The following NTM variants were observed in gnomAD, a reference collection of about 807,000 sequenced individuals.
NTM encodes neurotrimin.
In NTM, 13 loss-of-function variants were observed where a neutral mutation model predicts 42.1. The observed-to-expected ratio is 0.31, with a 90% confidence interval of 0.20 to 0.49. NTM has a LOEUF of 0.49. Among genes scored for constraint, NTM ranks in the 20% least tolerant of loss-of-function variants. The pLI is 0.99. For synonymous variants in NTM, 187 were observed against 179.2 expected, an observed-to-expected ratio of 1.04 and a Z score of -0.35; for missense variants, 373 against 452.8, an observed-to-expected ratio of 0.82 and a Z score of 1.60.
chr11:131,980,003 T>G (rs1387657010), intron 2 of NTM, among the ~76,000 whole-genome samples: 1 of 152,150 alleles, frequency 6.6e-6, no homozygotes, highest in Non-Finnish European at 1.5e-5. Flanking sequence ...GTAAACTGAG[T>G]CAGGTTCCAA....
chr11:131,795,012 G>T (rs139624547), intron 1 of NTM: 5 of 985,018 alleles, frequency 5.1e-6, no homozygotes, highest in Middle Eastern at 5.2e-4. Context: ...GTACTCAGCC[G>T]TGCTCCTTCC....
chr11:132,147,214 T>TGTGTGTGAGA (rs1337361068), intron 3 of NTM, among the ~76,000 whole-genome samples: 3 of 122,826 alleles, frequency 2.4e-5, no homozygotes, highest in African/African-American at 6.7e-5. Flanking sequence ...TGTGTGTGTG[T>TGTGTGTGAGA]GAGAGAGAGA....
chr11:132,107,015 T>TA (rs1247792957), intron 2 of NTM, among the ~76,000 whole-genome samples: 26 of 151,866 alleles, frequency 1.7e-4, no homozygotes, highest in Admixed American at 2.0e-4. Context: ...TCTTTTTGTT[T>TA]AAAAAAAAAT....
chr11:131,827,021 C>A (rs1399477859), intron 1 of NTM, among the ~76,000 whole-genome samples: 6 of 152,064 alleles, frequency 3.9e-5, no homozygotes. Context: ...TTCATTTATT[C>A]ATGCATGTAT....
intron 1 of NTM, among the ~76,000 whole-genome samples, chr11:131,597,401 C>T (rs929142976): frequency 9.2e-5 from 14 of 152,146 alleles, no homozygotes; most frequent in African/African-American, 3.1e-4. Flanking sequence ...ACCACTTTGG[C>T]GGGGAAGCAC....
chr11:132,065,249 T>C (rs1022492517), intron 2 of NTM, among the ~76,000 whole-genome samples: 2 of 150,740 alleles, frequency 1.3e-5, no homozygotes, highest in Non-Finnish European at 3.0e-5. Context: ...TTCTGGAACA[T>C]CCGTGCATAA....
intron 1 of NTM, among the ~76,000 whole-genome samples, chr11:131,565,041 C>A (rs2056719582): frequency 6.6e-6 from 1 of 152,254 alleles, no homozygotes; most frequent in Non-Finnish European, 1.5e-5. Context: ...TGGTCCTTCT[C>A]ACATCGCAGA....
In NTM at chr11:132,033,149, G is replaced by A. The variant is rs201107662; in HGVS notation, c.168-113133G>A. ...CACTATACACAGATAATGAGAGCACGCTCATGGCTGCGGGCAAGTAGCACT... is the reference window on the plus strand; with the variant it reads ...CACTATACACAGATAATGAGAGCACACTCATGGCTGCGGGCAAGTAGCACT... On this transcript the variant is annotated intron_variant, in intron 2 of 8. Transcript: ENST00000683400. Among the ~76,000 whole-genome samples the A allele has an allele frequency of 2.6e-5, 4 of 152,290 alleles. No individual in the cohort carries two copies. In the East Asian group the frequency reaches 7.7e-4, roughly 29 times the overall value.
At chr11:131,487,042 A>G (rs1450749702) in intron 1 of NTM, among the ~76,000 whole-genome samples, 1 of 152,026 alleles carries the variant, frequency 6.6e-6, no homozygotes, top group Non-Finnish European at 1.5e-5. Flanking sequence ...TTGCTCACCA[A>G]TTTGAAACCC....
At chr11:131,671,068 A>T (rs1180665770) in intron 1 of NTM, among the ~76,000 whole-genome samples, 1 of 151,766 alleles carries the variant, frequency 6.6e-6, no homozygotes, top group Non-Finnish European at 1.5e-5. Context: ...TGCCCCCATC[A>T]TCTTTCTTCT....
At chr11:131,592,106 T>C (rs1203760102) in intron 1 of NTM, among the ~76,000 whole-genome samples, 1 of 152,206 alleles carries the variant, frequency 6.6e-6, no homozygotes, top group Non-Finnish European at 1.5e-5. Context: ...ACTATTTTTA[T>C]TGGGCATCCA....
intron 1 of NTM, among the ~76,000 whole-genome samples, chr11:131,786,299 G>T (rs190302472): frequency 6.6e-6 from 1 of 152,136 alleles, no homozygotes; most frequent in Non-Finnish European, 1.5e-5. Flanking sequence ...GATGTGTTTT[G>T]CCAAGATGAC....
intron 1 of NTM, among the ~76,000 whole-genome samples, chr11:131,854,237 G>A (rs899601819): frequency 3.3e-5 from 5 of 152,164 alleles, no homozygotes; most frequent in African/African-American, 9.7e-5. Context: ...CATGGTAATC[G>A]TGGTCAGATA....
chr11:131,516,321 A>G, intron 1 of NTM, among the ~76,000 whole-genome samples: 1 of 152,222 alleles, frequency 6.6e-6, no homozygotes, highest in East Asian at 1.9e-4. Context: ...AGGGCTTCTG[A>G]ATTCAGTCTT....
chr11:131,745,634 C>G lies in NTM; in HGVS notation c.83-165930C>G, dbSNP rs77922416. On this transcript the variant is annotated intron_variant, in intron 1 of 8. Coordinates refer to ENST00000683400, the MANE Select transcript of NTM (RefSeq NM_001352005.2). ...GACTCATCACTTCCTGAGTTGCTCT[C>G]GTGGCCTTAGCCAAGTCACTTCATC... 2.5e-3 allele frequency among the ~76,000 whole-genome samples: 373 copies of G among 152,176 alleles called. 2 individuals carry two copies. The highest frequency in any genetic ancestry group is 7.8e-3 in the African/African-American group (322 of 41,498).
At chr11:132,130,383 C>T (rs1241714012) in intron 2 of NTM, among the ~76,000 whole-genome samples, 1 of 152,072 alleles carries the variant, frequency 6.6e-6, no homozygotes, top group Admixed American at 6.6e-5. Context: ...CCGCATTTTC[C>T]ATTCTCTGCC....
intron 4 of NTM, among the ~76,000 whole-genome samples, chr11:132,270,507 G>A (rs1046773043): frequency 6.6e-6 from 1 of 152,168 alleles, no homozygotes; most frequent in Admixed American, 6.5e-5. Flanking sequence ...AAGATTACAA[G>A]CATGAGTCAC....
At chr11:131,641,594 G>T (rs2658851) in intron 1 of NTM, among the ~76,000 whole-genome samples, 4 of 152,100 alleles carry the variant, frequency 2.6e-5, no homozygotes, top group East Asian at 1.9e-4. Context: ...ATTTCCAAGG[G>T]GGGGAAGCTA....
intron 2 of NTM, among the ~76,000 whole-genome samples, chr11:132,134,932 G>A (rs1424953273): frequency 1.3e-5 from 2 of 151,160 alleles, no homozygotes; most frequent in Non-Finnish European, 3.0e-5. Context: ...TCTACTTTTA[G>A]TTCTTTAAGG....
Sources: gnomAD v4.1 joint callset for allele counts (sites outside exome capture counted in the v4.1 genomes callset) on GRCh38, gnomAD v4.1.1 for gene constraint, MANE v1.5 for transcripts, NCBI Gene and HGNC (gene_info 2026-07-23, HGNC 2026-07-21) for gene names.